FBXW11: variants seen among roughly 807,000 people sequenced by gnomAD.
FBXW11 encodes the protein F-box and WD repeat domain containing 11.
A neutral mutation model predicts 77.6 loss-of-function variants in FBXW11; 19 were observed. The ratio of observed to expected loss-of-function variants is 0.24; its 90% CI spans 0.17 to 0.36. The LOEUF (loss-of-function observed/expected upper bound fraction) is 0.36. Among genes scored for constraint, FBXW11 ranks in the 10% least tolerant of loss-of-function variants. The pLI is 1.00. For missense variants in FBXW11, 334 were observed against 704.2 expected (o/e 0.47, Z 5.95); for synonymous variants, 235 against 249.4 (o/e 0.94, Z 0.54).
In FBXW11 at chr5:171,869,739, C is replaced by T. The variant is rs773518789; in HGVS notation, c.1520G>A (p.Arg507His). The T allele has an allele frequency of 4.4e-6, 7 of 1,608,750 alleles. No individual in the cohort carries two copies. The highest frequency in any genetic ancestry group is 1.1e-5 in the South Asian group (1 of 90,490). The stretch of plus-strand genomic sequence containing the variant: ...CAAGAGATCACATACCACCAATGTG[C>T]GCAAACACAATGTGCTTGCTGGGGC... The part of the protein sequence containing the change: ...PRAPASTLCL[R>H]TLVEHSGRVF... The change falls in exon 12 of 14, where the codon CGC (arginine) becomes CAC (histidine). Residue 507 changes from arginine (R) to histidine (H), a missense_variant. Physicochemically the swap from Arg to His is conservative, Grantham distance 29. Around this residue, in one of 10 missense-constraint regions of FBXW11, gnomAD observed 30 missense variants for 50.7 expected, o/e 0.59. Coordinates refer to ENST00000517395, the MANE Select transcript of FBXW11 (RefSeq NM_001378974.1). This position sits in a 1 kb window ranked among gnomAD's most constrained non-coding sequence, Gnocchi z 4.1.
intron 5 of FBXW11, among the ~76,000 whole-genome samples, 191 bp from the exon 6 acceptor site, chr5:171,899,285 A>G (rs1187570281): frequency 6.6e-6 from 1 of 152,230 alleles, no homozygotes; most frequent in Non-Finnish European, 1.5e-5. Flanking sequence ...CTCTCTAACA[A>G]AATCCTGATC....
intron 9 of FBXW11, among the ~76,000 whole-genome samples, chr5:171,874,898 A>T (rs1757979499): frequency 6.6e-6 from 1 of 151,494 alleles, no homozygotes; most frequent in South Asian, 2.1e-4. Flanking sequence ...GCGAACCATG[A>T]CTGTGTTACT....
chr5:171,987,759 A>G (rs1581081251), intron 1 of FBXW11, among the ~76,000 whole-genome samples: 1 of 152,032 alleles, frequency 6.6e-6, no homozygotes, highest in African/African-American at 2.4e-5. Flanking sequence ...GGCCAAGGGT[A>G]AGTTTTTAAA....
chr5:171,972,853 A>T (rs1214477909), intron 1 of FBXW11, among the ~76,000 whole-genome samples: 1 of 152,114 alleles, frequency 6.6e-6, no homozygotes, highest in Non-Finnish European at 1.5e-5. Context: ...CCAGGACTAA[A>T]ACTTTAATAC....
chr5:171,910,818 A>T, intron 3 of FBXW11, 21 bp from the exon 4 acceptor site: 1 of 1,484,750 alleles, frequency 6.7e-7, no homozygotes. Context: ...AAAACAAAAA[A>T]AAAATTAGTT....
chr5:171,992,445 GGA>G (rs142539171), intron 1 of FBXW11, among the ~76,000 whole-genome samples: 23 of 148,258 alleles, frequency 1.6e-4, no homozygotes, highest in South Asian at 2.1e-4. Context: ...AGAGAAAGGG[GGA>G]GAGAGAGAGA....
chr5:171,866,308 A>T (rs2113735261), intron 13 of FBXW11, among the ~76,000 whole-genome samples: 1 of 152,280 alleles, frequency 6.6e-6, no homozygotes, highest in East Asian at 1.9e-4. Context: ...AGTAAAATCT[A>T]TAAAGTTGAC....
chr5:171,865,415 T>C (rs958481053), intron 13 of FBXW11, among the ~76,000 whole-genome samples: 1 of 152,236 alleles, frequency 6.6e-6, no homozygotes. Context: ...CATTGTTTTT[T>C]ATAATCACTA....
intron 2 of FBXW11, among the ~76,000 whole-genome samples, chr5:171,948,159 C>T (rs1020575130): frequency 2.6e-4 from 37 of 141,890 alleles, no homozygotes; most frequent in African/African-American, 8.4e-4. Flanking sequence ...CGCTTGAATC[C>T]GGGAGGCAGA....
chr5:171,927,305 T>C (rs1221757998), intron 2 of FBXW11, among the ~76,000 whole-genome samples: 2 of 152,232 alleles, frequency 1.3e-5, no homozygotes, highest in African/African-American at 4.8e-5. Flanking sequence ...ATGCAAAATA[T>C]ACCACAATAT....
chr5:171,865,065 C>T lies in FBXW11; in HGVS notation c.*26-964G>A, dbSNP rs528618380. 5.3e-5 allele frequency among the ~76,000 whole-genome samples: 8 copies of T among 151,572 alleles called. No individual in the cohort carries two copies. In the South Asian group the frequency reaches 1.5e-3, roughly 28 times the overall value. ...GTCAATTTACACAAAGATCAAGAAT[C>T]TTAAGTCTTCTCAATGAATTTAAGA... On this transcript the variant is annotated intron_variant, in intron 13 of 13. Coordinates refer to ENST00000517395, the MANE Select transcript of FBXW11 (RefSeq NM_001378974.1).
intron 2 of FBXW11, among the ~76,000 whole-genome samples, chr5:171,951,895 A>G (rs568660845): frequency 2.6e-5 from 4 of 152,366 alleles, no homozygotes. Flanking sequence ...AAAATTGAAG[A>G]AAAGTTGAAC....
At chr5:171,959,017 C>T (rs952747597) in intron 1 of FBXW11, among the ~76,000 whole-genome samples, 1 of 151,122 alleles carries the variant, frequency 6.6e-6, no homozygotes, top group African/African-American at 2.4e-5. Flanking sequence ...ACAAAGATAG[C>T]TTTGCTTGAA....
chr5:171,920,570 T>G (rs146134369), intron 2 of FBXW11, among the ~76,000 whole-genome samples: 114 of 151,940 alleles, frequency 7.5e-4, no homozygotes, highest in African/African-American at 2.7e-3. Context: ...TTAAAAAAAT[T>G]TAAAAATAAG....
chr5:171,922,522 A>C (rs1761653588), intron 2 of FBXW11, among the ~76,000 whole-genome samples: 1 of 152,212 alleles, frequency 6.6e-6, no homozygotes, highest in African/African-American at 2.4e-5. Context: ...CAAACAAACA[A>C]GGCAATTCAG....
At chr5:171,882,924 A>G (rs1043351834) in intron 7 of FBXW11, among the ~76,000 whole-genome samples, 1 of 152,050 alleles carries the variant, frequency 6.6e-6, no homozygotes, top group South Asian at 2.1e-4. Context: ...GTAGTCTTCT[A>G]TCCCTTGCCC....
intron 7 of FBXW11, 100 bp from the exon 8 acceptor site, chr5:171,878,229 T>C: frequency 1.2e-6 from 1 of 813,070 alleles, no homozygotes; most frequent in Non-Finnish European, 2.0e-6. Flanking sequence ...TAAAACACAC[T>C]TGGGTTACAG....
At chr5:171,958,704 A>G (rs1763744140) in intron 1 of FBXW11, among the ~76,000 whole-genome samples, 1 of 152,230 alleles carries the variant, frequency 6.6e-6, no homozygotes, top group South Asian at 2.1e-4. Flanking sequence ...CCATACTGTA[A>G]AGTTAATAAC....
At chr5:171,918,855 T>A (rs1191287975) in intron 2 of FBXW11, among the ~76,000 whole-genome samples, 1 of 152,128 alleles carries the variant, frequency 6.6e-6, no homozygotes, top group Non-Finnish European at 1.5e-5. Flanking sequence ...CAAAAATGTC[T>A]CCAGATCGCC....
Sources: gnomAD v4.1 joint callset for allele counts (sites outside exome capture counted in the v4.1 genomes callset) on GRCh38, gnomAD v4.1.1 for gene constraint, gnomAD v4.1.1 regional missense constraint, Gnocchi (gnomAD v3.1) non-coding constraint, MANE v1.5 for transcripts, NCBI Gene and HGNC (gene_info 2026-07-23, HGNC 2026-07-21) for gene names.